DZANK1: variants seen among roughly 807,000 people sequenced by gnomAD.
DZANK1 encodes the protein double zinc ribbon and ankyrin repeat-containing protein 1.
A neutral mutation model predicts 94.5 loss-of-function variants in DZANK1; 91 were observed. That is an observed-to-expected ratio of 0.96 (90% CI 0.81 to 1.15). The LOEUF is 1.15. DZANK1 is among the 50% of genes most tolerant of loss of function. The probability of loss-of-function intolerance (pLI) is 0.00; values close to 1 mark genes in which losing one functional copy is unlikely to be tolerated. For synonymous variants in DZANK1, 312 were observed against 325.3 expected (o/e 0.96, Z 0.44); for missense variants, 903 against 916.4 (o/e 0.99, Z 0.19).
At chr20:18,450,109 T>TAAATAAATAAAC (rs1460162536) in intron 6 of DZANK1, among the ~76,000 whole-genome samples, 36 of 94,432 alleles carry the variant, frequency 3.8e-4, no homozygotes, top group African/African-American at 1.0e-3. Context: ...AATAAATAAA[T>TAAATAAATAAAC]AAACAAACAA....
At chr20:18,403,519 G>C (rs1271625116) in intron 13 of DZANK1, among the ~76,000 whole-genome samples, 2 of 152,136 alleles carry the variant, frequency 1.3e-5, no homozygotes, top group African/African-American at 4.8e-5. Flanking sequence ...CAAGCCTAAG[G>C]CTGCTTTCAA....
intron 17 of DZANK1, among the ~76,000 whole-genome samples, chr20:18,393,025 T>C (rs2056104932): frequency 6.6e-6 from 1 of 152,160 alleles, no homozygotes. Flanking sequence ...CTTGTGCACT[T>C]TGCCCTGATA....
chr20:18,394,566 C>T (rs1169160865), intron 15 of DZANK1: 3 of 681,288 alleles, frequency 4.4e-6, no homozygotes, highest in Admixed American at 1.9e-5. Flanking sequence ...TCTGGCCCCT[C>T]CTCCTCTCCC....
chr20:18,402,819 T>C (rs1666282993), intron 13 of DZANK1, among the ~76,000 whole-genome samples: 1 of 152,220 alleles, frequency 6.6e-6, no homozygotes, highest in Non-Finnish European at 1.5e-5. Flanking sequence ...CTGTAAGAAT[T>C]TGCCACTGCA....
chr20:18,389,485 A>C (rs1025640926), intron 19 of DZANK1, among the ~76,000 whole-genome samples: 1 of 152,240 alleles, frequency 6.6e-6, no homozygotes, highest in African/African-American at 2.4e-5. Flanking sequence ...AAAAGCCACT[A>C]AATTAGGCAA....
At chr20:18,411,673 A>G (rs559064073) in intron 13 of DZANK1, among the ~76,000 whole-genome samples, 6 of 152,380 alleles carry the variant, frequency 3.9e-5, no homozygotes, top group Non-Finnish European at 1.5e-5. Flanking sequence ...GCAGACTAAT[A>G]TCTCTTATAA....
At chr20:18,430,092 A>G (rs2058222141) in intron 9 of DZANK1, among the ~76,000 whole-genome samples, 3 of 152,204 alleles carry the variant, frequency 2.0e-5, no homozygotes, top group African/African-American at 7.2e-5. Context: ...CTTTTAAAAT[A>G]GTTGGAAGAG....
At chr20:18,417,850 C>A (rs2057565817) in intron 10 of DZANK1, among the ~76,000 whole-genome samples, 1 of 152,140 alleles carries the variant, frequency 6.6e-6, no homozygotes, top group Non-Finnish European at 1.5e-5. Context: ...CTTTAGGAGG[C>A]TGAGGCGAGT....
At chr20:18,440,112 GA>G (rs1290671613) in intron 8 of DZANK1, among the ~76,000 whole-genome samples, 3 of 152,170 alleles carry the variant, frequency 2.0e-5, no homozygotes, top group Non-Finnish European at 4.4e-5. Flanking sequence ...GAAAGCTGAG[GA>G]GAGAAGCCTC....
At chr20:18,416,276 C>A (rs1255934511) in intron 10 of DZANK1, among the ~76,000 whole-genome samples, 1 of 152,202 alleles carries the variant, frequency 6.6e-6, no homozygotes, top group East Asian at 1.9e-4. Context: ...ACTCCCAGGT[C>A]TGTAGGGAGT....
At chr20:18,447,247 GA>G (rs1442468840) in intron 7 of DZANK1, among the ~76,000 whole-genome samples, 5 of 152,130 alleles carry the variant, frequency 3.3e-5, no homozygotes, top group Admixed American at 2.6e-4. Flanking sequence ...AGGTTGAGGG[GA>G]GCAGATCACC....
chr20:18,451,725 C>T (rs2059108592), intron 6 of DZANK1: 15 of 404,662 alleles, frequency 3.7e-5, no homozygotes, highest in South Asian at 2.9e-4. Context: ...TCTCCAGATA[C>T]TCAGGACAAA....
intron 4 of DZANK1, 139 bp downstream of exon 4, chr20:18,455,108 G>C: frequency 1.6e-6 from 1 of 624,560 alleles, no homozygotes; most frequent in Non-Finnish European, 2.8e-6. Context: ...AAGATGCTTT[G>C]CAATGGTTGA....
intron 9 of DZANK1, among the ~76,000 whole-genome samples, chr20:18,428,166 A>G (rs1183277410): frequency 6.6e-6 from 1 of 150,386 alleles, no homozygotes; most frequent in East Asian, 2.0e-4. Flanking sequence ...AAAAAAAAAG[A>G]AAGAGAGTGG....
Position 18,406,100 on chromosome 20 carries a change from T to C in DZANK1, c.1432+6546A>G, listed in dbSNP as rs527901979. 3.3e-5 allele frequency among the ~76,000 whole-genome samples: 5 copies of C among 152,270 alleles called. No individual in the cohort carries two copies. The South Asian group carries it at 1.0e-3, about 32-fold the overall frequency. ...GGCCGAGGTGCTCTGGGATCATAGGTAAACTTGAAAGGCAGTCTAGGACAC... is the reference window on the plus strand; with the variant it reads ...GGCCGAGGTGCTCTGGGATCATAGGCAAACTTGAAAGGCAGTCTAGGACAC... On this transcript the variant is annotated intron_variant, in intron 13 of 20. Transcript: ENST00000262547.
At chr20:18,459,523 C>T (rs575222083) in intron 3 of DZANK1, among the ~76,000 whole-genome samples, 1 of 152,180 alleles carries the variant, frequency 6.6e-6, no homozygotes, top group East Asian at 1.9e-4. Flanking sequence ...AAAAATAATT[C>T]CTATATCACA....
intron 4 of DZANK1, 164 bp from the exon 5 acceptor site, chr20:18,453,991 T>C (rs1321716452): frequency 1.4e-6 from 1 of 733,698 alleles, no homozygotes; most frequent in South Asian, 1.4e-5. Flanking sequence ...ACATGCAGCT[T>C]TGTATCTGGA....
chr20:18,421,263 TC>T, intron 10 of DZANK1: 9 of 172,636 alleles, frequency 5.2e-5, no homozygotes, highest in Non-Finnish European at 6.6e-5. Flanking sequence ...TTCATCTACA[TC>T]CCCCCCGTAA....
chr20:18,459,785 A>C (rs1026936315), intron 3 of DZANK1, among the ~76,000 whole-genome samples: 1 of 152,138 alleles, frequency 6.6e-6, no homozygotes, highest in Non-Finnish European at 1.5e-5. Flanking sequence ...TGTAGGCTGC[A>C]TCCTGGGGAA....
Sources: gnomAD v4.1 joint callset for allele counts (sites outside exome capture counted in the v4.1 genomes callset) on GRCh38, gnomAD v4.1.1 for gene constraint, MANE v1.5 for transcripts, NCBI Gene and HGNC (gene_info 2026-07-23, HGNC 2026-07-21) for gene names.